Variants in ARHGAP26 observed in about 807,000 individuals in gnomAD.
ARHGAP26 encodes the protein rho GTPase-activating protein 26.
A neutral mutation model predicts 104.8 loss-of-function variants in ARHGAP26; 38 were observed. That is an observed-to-expected ratio of 0.36 (90% confidence interval 0.28 to 0.48). The LOEUF (loss-of-function observed/expected upper bound fraction) is 0.48, where lower values mean the gene tolerates loss of function less well. Ranked by LOEUF, ARHGAP26 falls within the 20% of genes least tolerant of loss-of-function variation. The pLI is 0.99. For synonymous variants in ARHGAP26, 341 were observed against 340.0 expected, an observed-to-expected ratio of 1.00 and a Z score of -0.03; for missense variants, 704 against 947.9, an observed-to-expected ratio of 0.74 and a Z score of 3.38.
At chr5:142,912,774 A>G (rs1761997365) in intron 9 of ARHGAP26, among the ~76,000 whole-genome samples, 1 of 152,168 alleles carries the variant, frequency 6.6e-6, no homozygotes, top group Non-Finnish European at 1.5e-5. Flanking sequence ...GGAGATGTAC[A>G]TGGTGCTTTG....
intron 1 of ARHGAP26, chr5:142,860,481 G>A (rs575776676): frequency 1.3e-5 from 2 of 152,342 alleles, no homozygotes; most frequent in African/African-American, 2.4e-5. Flanking sequence ...TGCCTCTTCT[G>A]TGGGAAGCCT....
chr5:143,057,983 G>A, intron 17 of ARHGAP26: 1 of 658,206 alleles, frequency 1.5e-6, no homozygotes, highest in Non-Finnish European at 2.9e-6. Context: ...ACCAAGCAGA[G>A]TTTTCAGGGG....
chr5:143,108,317 G>A (rs1020584885), intron 17 of ARHGAP26, among the ~76,000 whole-genome samples: 2 of 152,168 alleles, frequency 1.3e-5, no homozygotes, highest in Admixed American at 6.5e-5. Flanking sequence ...AATTTTCATG[G>A]ATGTTAGAGC....
At chr5:143,051,839 A>G (rs1040042681) in intron 14 of ARHGAP26, among the ~76,000 whole-genome samples, 10 of 152,286 alleles carry the variant, frequency 6.6e-5, no homozygotes, top group African/African-American at 2.2e-4. Context: ...AGACTTGCCA[A>G]CTGCTGCTTG....
chr5:143,101,567 C>T (rs1483889904), intron 17 of ARHGAP26, among the ~76,000 whole-genome samples: 2 of 152,074 alleles, frequency 1.3e-5, no homozygotes, highest in Non-Finnish European at 2.9e-5. Flanking sequence ...TAACATCCAA[C>T]CAGGCAGTGC....
chr5:142,927,330 C>CAAATAAA (rs1764056235), intron 10 of ARHGAP26, among the ~76,000 whole-genome samples: 1 of 134,522 alleles, frequency 7.4e-6, no homozygotes, highest in Non-Finnish European at 1.6e-5. Context: ...TATCTCTTTT[C>CAAATAAA]AAAAAAAAAA....
chr5:142,822,455 G>GT (rs1330354422), intron 1 of ARHGAP26, among the ~76,000 whole-genome samples: 1 of 152,134 alleles, frequency 6.6e-6, no homozygotes, highest in Non-Finnish European at 1.5e-5. Flanking sequence ...CTGTGAGTGT[G>GT]TTGGCAAGAG....
intron 10 of ARHGAP26, among the ~76,000 whole-genome samples, chr5:142,915,017 C>G (rs1191693647): frequency 6.6e-6 from 1 of 152,214 alleles, no homozygotes; most frequent in Non-Finnish European, 1.5e-5. Context: ...AGATTGGAAA[C>G]AAGCCCAAAT....
chr5:142,978,379 A>G (rs1773443194), intron 11 of ARHGAP26, among the ~76,000 whole-genome samples: 2 of 152,174 alleles, frequency 1.3e-5, no homozygotes, highest in Admixed American at 6.5e-5. Context: ...GGCTCTGTCT[A>G]TGTACCTGTG....
chr5:143,017,923 T>G (rs776039195), intron 12 of ARHGAP26, among the ~76,000 whole-genome samples: 6 of 152,184 alleles, frequency 3.9e-5, no homozygotes, highest in Non-Finnish European at 7.3e-5. Flanking sequence ...GTTTAAGCAC[T>G]CTCTTGTATT....
chr5:142,898,317 T>G (rs914849894), intron 6 of ARHGAP26, among the ~76,000 whole-genome samples: 1 of 152,192 alleles, frequency 6.6e-6, no homozygotes, highest in Non-Finnish European at 1.5e-5. Flanking sequence ...AGATTTGGAT[T>G]GCAGATAATG....
At chr5:143,063,263 A>G (rs776506237) in intron 17 of ARHGAP26, among the ~76,000 whole-genome samples, 1 of 151,716 alleles carries the variant, frequency 6.6e-6, no homozygotes, top group Non-Finnish European at 1.5e-5. Context: ...CTCTGTCTCC[A>G]TCAGTACTCC....
chr5:143,122,575 A>G (rs985182645), intron 18 of ARHGAP26, among the ~76,000 whole-genome samples: 2 of 152,260 alleles, frequency 1.3e-5, no homozygotes, highest in African/African-American at 4.8e-5. Context: ...ATTGGGCAAC[A>G]CCTCATTCTG....
intron 11 of ARHGAP26, among the ~76,000 whole-genome samples, chr5:142,936,976 G>C (rs535680721): frequency 6.6e-6 from 1 of 152,038 alleles, no homozygotes; most frequent in Non-Finnish European, 1.5e-5. Context: ...GATGCAATGC[G>C]GAAAGCATAC....
At chr5:142,920,800 C>G (rs568317552) in intron 10 of ARHGAP26, among the ~76,000 whole-genome samples, 22 of 152,166 alleles carry the variant, frequency 1.4e-4, no homozygotes, top group African/African-American at 5.1e-4. Context: ...ACTCAAGCAA[C>G]TAAGGTATAA....
chr5:142,771,921 C>T (rs958497397), intron 1 of ARHGAP26, among the ~76,000 whole-genome samples: 6 of 152,156 alleles, frequency 3.9e-5, no homozygotes, highest in African/African-American at 1.4e-4. Flanking sequence ...GGTGCCTTTT[C>T]AGTCTCCCCA....
chr5:143,015,076 A>G lies in ARHGAP26; in HGVS notation c.1144+960A>G, dbSNP rs138206830. Reference sequence around the variant, plus strand: ...TTTACCCAGGAGTTTTGTATGAAATATTAAATAATTTGGAATGCCTGCTGT... The same window carrying G: ...TTTACCCAGGAGTTTTGTATGAAATGTTAAATAATTTGGAATGCCTGCTGT... On this transcript the variant is annotated intron_variant, in intron 12 of 22. Coordinates refer to ENST00000645722, the MANE Select transcript of ARHGAP26 (RefSeq NM_001135608.3). Among the ~76,000 whole-genome samples, 747 of 152,180 alleles carry G rather than the reference A, an allele frequency of 4.9e-3. 4 individuals are homozygous for G. The highest frequency in any genetic ancestry group is 0.017 in the African/African-American group (700 of 41,506).
At chr5:143,104,452 A>G (rs924223057) in intron 17 of ARHGAP26, among the ~76,000 whole-genome samples, 4 of 151,760 alleles carry the variant, frequency 2.6e-5, no homozygotes, top group African/African-American at 7.3e-5. Context: ...CTGAGGTTGC[A>G]GTGAGCCGAG....
Position 143,223,146 on chromosome 5 carries a change from G to A in ARHGAP26, c.*700G>A, listed in dbSNP as rs942431910. The stretch of plus-strand genomic sequence containing the variant: ...CTGCCACCAAGGGCTGCCATCCATC[G>A]CCTAGTAACCACGGCAACCCAACCT... On this transcript the variant is annotated 3_prime_UTR_variant, in exon 23 of 23. Coordinates refer to ENST00000645722, the MANE Select transcript of ARHGAP26 (RefSeq NM_001135608.3). 1.3e-5 allele frequency: 3 copies of A among 233,308 alleles called. No homozygotes were observed. Among genetic ancestry groups the A allele is most frequent in the East Asian group, 6.0e-5 (1 of 16,582 alleles). The allele number at this position is 233,308 out of a possible 1,614,324, so 14.5% of individuals were successfully genotyped here.
Sources: gnomAD v4.1 joint callset for allele counts (sites outside exome capture counted in the v4.1 genomes callset) on GRCh38, gnomAD v4.1.1 for gene constraint, MANE v1.5 for transcripts, NCBI Gene and HGNC (gene_info 2026-07-23, HGNC 2026-07-21) for gene names.